Variants in SH3GL3 observed in about 807,000 individuals in gnomAD.
SH3GL3 encodes the protein endophilin-A3.
A neutral mutation model predicts 47.7 loss-of-function variants in SH3GL3; 33 were observed. That is an observed-to-expected ratio of 0.69 (90% CI 0.52 to 0.92). The LOEUF is 0.92. SH3GL3 is among the 40% of genes least tolerant of loss of function. SH3GL3 has a pLI of 0.00. For missense variants in SH3GL3, 363 were observed against 417.8 expected (o/e 0.87, Z 1.14); for synonymous variants, 155 against 148.8 (o/e 1.04, Z -0.30).
chr15:83,624,607 T>C, the SH3GL3 span, among the ~76,000 whole-genome samples: 254 of 152,230 alleles, frequency 1.7e-3, 1 homozygote, highest in African/African-American at 6.0e-3. Flanking sequence ...GGGTCTAGTG[T>C]TTTAAGATGC....
chr15:83,566,377 T>G (rs1426970674), intron 3 of SH3GL3, among the ~76,000 whole-genome samples: 2 of 147,210 alleles, frequency 1.4e-5, no homozygotes, highest in Non-Finnish European at 3.1e-5. Flanking sequence ...TGTGTGTGTG[T>G]GTGTGTGTGT....
At chr15:83,603,123 C>T (rs1442960237) in intron 8 of SH3GL3, among the ~76,000 whole-genome samples, 1 of 152,054 alleles carries the variant, frequency 6.6e-6, no homozygotes, top group Non-Finnish European at 1.5e-5. Context: ...CCTCACTCTC[C>T]TAAGTAGCTG....
chr15:83,627,554 G>A, the SH3GL3 span, among the ~76,000 whole-genome samples: 6 of 152,154 alleles, frequency 3.9e-5, no homozygotes, highest in Non-Finnish European at 5.9e-5. Context: ...AAATGGTTTC[G>A]ATGAGTGGTT....
intron 6 of SH3GL3, among the ~76,000 whole-genome samples, chr15:83,583,855 G>T (rs368232684): frequency 1.3e-5 from 2 of 152,184 alleles, no homozygotes; most frequent in South Asian, 4.2e-4. Context: ...GCCACGATGG[G>T]CCCATTACCC....
At position 83,595,137 on chromosome 15, in the gene SH3GL3, G is replaced by A. The variant is rs556078945; in HGVS notation, c.838+6366G>A. Reference sequence around the variant, plus strand: ...CGGTGGCAGACTGGATAAAGAAAACGTACTACATATATTCCATGGGACAGT... The same window carrying A: ...CGGTGGCAGACTGGATAAAGAAAACATACTACATATATTCCATGGGACAGT... On this transcript the variant is annotated intron_variant, in intron 8 of 8. Transcript: ENST00000427482. 4.6e-5 allele frequency among the ~76,000 whole-genome samples: 7 copies of A among 152,284 alleles called. 1 individual carries two copies. Among genetic ancestry groups the A allele is most frequent in the African/African-American group, 1.4e-4 (6 of 41,546 alleles).
intron 4 of SH3GL3, among the ~76,000 whole-genome samples, chr15:83,569,311 C>T (rs2045705149): frequency 6.6e-6 from 1 of 152,106 alleles, no homozygotes; most frequent in Admixed American, 6.5e-5. Context: ...TATAATGATC[C>T]ATATCGTAAA....
chr15:83,516,069 G>T (rs2151640057), intron 1 of SH3GL3, among the ~76,000 whole-genome samples: 1 of 145,720 alleles, frequency 6.9e-6, no homozygotes, highest in South Asian at 2.3e-4. Flanking sequence ...TACACTTAGG[G>T]GATTAAAGTC....
chr15:83,472,777 T>C (rs2040889419), intron 1 of SH3GL3, among the ~76,000 whole-genome samples: 2 of 152,170 alleles, frequency 1.3e-5, no homozygotes, highest in African/African-American at 2.4e-5. Context: ...AATCTGGGCA[T>C]TTGGGGCTAT....
At chr15:83,536,466 C>T (rs1320696896) in intron 1 of SH3GL3, among the ~76,000 whole-genome samples, 2 of 144,982 alleles carry the variant, frequency 1.4e-5, no homozygotes, top group Non-Finnish European at 3.0e-5. Context: ...TGCAGTGGCA[C>T]AATCTTGGCT....
chr15:83,607,942 A>G (rs2060570517), intron 8 of SH3GL3, among the ~76,000 whole-genome samples: 1 of 151,868 alleles, frequency 6.6e-6, no homozygotes. Context: ...TAGAGGGGTC[A>G]CCTGCCAGAA....
chr15:83,522,654 C>T (rs1349160553), intron 1 of SH3GL3, among the ~76,000 whole-genome samples: 21 of 152,168 alleles, frequency 1.4e-4, no homozygotes, highest in Admixed American at 1.4e-3. Flanking sequence ...ATTATAGCTG[C>T]TTTTTGAAAA....
intron 4 of SH3GL3, among the ~76,000 whole-genome samples, chr15:83,571,914 A>G (rs2045836236): frequency 6.6e-6 from 1 of 152,174 alleles, no homozygotes. Context: ...GGACTGAGAT[A>G]GCACACTGTA....
intron 1 of SH3GL3, among the ~76,000 whole-genome samples, chr15:83,525,263 G>A (rs1427843243): frequency 6.6e-6 from 1 of 151,694 alleles, no homozygotes; most frequent in Non-Finnish European, 1.5e-5. Flanking sequence ...GTGATGGTGA[G>A]CATTTTTTCA....
intron 1 of SH3GL3, among the ~76,000 whole-genome samples, chr15:83,547,110 G>A (rs941534054): frequency 1.3e-5 from 2 of 152,212 alleles, no homozygotes; most frequent in South Asian, 2.1e-4. Context: ...AGGCCCAGCA[G>A]AGCACCAGTA....
At chr15:83,625,305 G>A in the SH3GL3 span, among the ~76,000 whole-genome samples, 2 of 152,240 alleles carry the variant, frequency 1.3e-5, no homozygotes. Context: ...GCAACTTGAT[G>A]AATATCAGAA....
At chr15:83,566,150 A>G (rs1193485011) in intron 3 of SH3GL3, among the ~76,000 whole-genome samples, 1 of 152,168 alleles carries the variant, frequency 6.6e-6, no homozygotes, top group African/African-American at 2.4e-5. Flanking sequence ...AATCAGACAG[A>G]TACTTCACCC....
chr15:83,450,458 G>A (rs751019246), intron 1 of SH3GL3, among the ~76,000 whole-genome samples: 1 of 152,024 alleles, frequency 6.6e-6, no homozygotes, highest in Admixed American at 6.6e-5. Flanking sequence ...AAAGATAAGC[G>A]AGGTAAAATT....
chr15:83,616,473 A>G (rs942506552), intron 8 of SH3GL3, among the ~76,000 whole-genome samples: 8 of 151,830 alleles, frequency 5.3e-5, no homozygotes, highest in Non-Finnish European at 1.2e-4. Flanking sequence ...CGATCTCCTG[A>G]ACTCGTGATC....
intron 1 of SH3GL3, among the ~76,000 whole-genome samples, chr15:83,470,201 C>T (rs888866087): frequency 2.0e-5 from 3 of 152,056 alleles, no homozygotes; most frequent in Non-Finnish European, 4.4e-5. Context: ...TTCAACCTGC[C>T]TATATTGCTA....
Sources: gnomAD v4.1 joint callset for allele counts (sites outside exome capture counted in the v4.1 genomes callset) on GRCh38, gnomAD v4.1.1 for gene constraint, MANE v1.5 for transcripts, NCBI Gene and HGNC (gene_info 2026-07-23, HGNC 2026-07-21) for gene names.